The following CDH13 variants were observed in gnomAD, a reference collection of about 807,000 sequenced individuals.
The protein encoded by CDH13 is cadherin-13.
CDH13 carries 24 observed loss-of-function variants against 63.8 expected under a neutral mutation model. The observed-to-expected ratio is 0.38, with a 90% CI of 0.27 to 0.53. The LOEUF is 0.53. CDH13 is among the 20% of genes least tolerant of loss of function. CDH13 has a pLI of 0.85. For missense variants in CDH13, 1,049 were observed against 903.1 expected (o/e 1.16, Z -2.07); for synonymous variants, 503 against 355.3 (o/e 1.42, Z -4.67).
chr16:83,227,617 T>G (rs2039879613), intron 5 of CDH13, among the ~76,000 whole-genome samples: 1 of 152,156 alleles, frequency 6.6e-6, no homozygotes, highest in Non-Finnish European at 1.5e-5. Context: ...GCGTGACTGC[T>G]CTGGATATGA....
intron 3 of CDH13, among the ~76,000 whole-genome samples, chr16:83,120,363 G>T (rs377635029): frequency 6.6e-6 from 1 of 152,214 alleles, no homozygotes; most frequent in Non-Finnish European, 1.5e-5. Context: ...CTGGACACCC[G>T]TGAGGACAGA....
chr16:83,001,518 T>C (rs750497452), intron 2 of CDH13, among the ~76,000 whole-genome samples: 4 of 152,250 alleles, frequency 2.6e-5, no homozygotes, highest in Non-Finnish European at 5.9e-5. Context: ...GTCCAGGGCC[T>C]CAGCCAGGGA....
At chr16:82,751,661 A>G (rs1235446685) in intron 1 of CDH13, among the ~76,000 whole-genome samples, 1 of 152,028 alleles carries the variant, frequency 6.6e-6, no homozygotes, top group African/African-American at 2.4e-5. Flanking sequence ...TAGCAAATAA[A>G]AAACACCATG....
intron 1 of CDH13, among the ~76,000 whole-genome samples, chr16:82,817,896 C>A (rs1179020117): frequency 6.6e-6 from 1 of 152,290 alleles, no homozygotes; most frequent in Admixed American, 6.5e-5. Flanking sequence ...TGTTTACATA[C>A]AAATGCATGC....
At chr16:83,389,284 C>T (rs36034869) in intron 6 of CDH13, among the ~76,000 whole-genome samples, 2 of 151,896 alleles carry the variant, frequency 1.3e-5, no homozygotes, top group Non-Finnish European at 2.9e-5. Context: ...CGTATCTTAA[C>T]GTTTTAGTGT....
At chr16:83,190,554 A>G (rs940021252) in intron 4 of CDH13, among the ~76,000 whole-genome samples, 2 of 152,160 alleles carry the variant, frequency 1.3e-5, no homozygotes, top group African/African-American at 4.8e-5. Context: ...TGGCAAAATG[A>G]TGAATAACAC....
At chr16:83,205,674 G>A (rs970413052) in intron 4 of CDH13, among the ~76,000 whole-genome samples, 18 of 147,286 alleles carry the variant, frequency 1.2e-4, no homozygotes, top group South Asian at 1.1e-3. Context: ...ACGTGATCTT[G>A]GCTCACTGCA....
At chr16:83,666,798 G>A (rs1913994161) in intron 8 of CDH13, among the ~76,000 whole-genome samples, 1 of 151,914 alleles carries the variant, frequency 6.6e-6, no homozygotes, top group South Asian at 2.1e-4. Context: ...TCTCCAGACT[G>A]GATCAGATAC....
At chr16:82,724,669 A>G (rs1256654939) in intron 1 of CDH13, among the ~76,000 whole-genome samples, 1 of 152,186 alleles carries the variant, frequency 6.6e-6, no homozygotes, top group Admixed American at 6.5e-5. Flanking sequence ...GTCAAAAGAG[A>G]CTGTCATGTA....
intron 4 of CDH13, among the ~76,000 whole-genome samples, chr16:83,194,581 T>G (rs1013144969): frequency 6.6e-6 from 1 of 152,182 alleles, no homozygotes; most frequent in African/African-American, 2.4e-5. Flanking sequence ...GCCGAAACAA[T>G]AAGGGATAAA....
intron 3 of CDH13, among the ~76,000 whole-genome samples, chr16:83,056,864 G>C (rs7499487): frequency 6.6e-6 from 1 of 152,000 alleles, no homozygotes; most frequent in Non-Finnish European, 1.5e-5. Flanking sequence ...GCCTGCTGCC[G>C]TGTAGGATGT....
intron 2 of CDH13, among the ~76,000 whole-genome samples, chr16:82,861,733 C>T (rs547704728): frequency 6.6e-6 from 1 of 152,214 alleles, no homozygotes; most frequent in East Asian, 1.9e-4. Context: ...ATCTGAATCA[C>T]TCTTTATTCT....
At chr16:83,097,819 G>C (rs754716323) in intron 3 of CDH13, among the ~76,000 whole-genome samples, 1 of 152,204 alleles carries the variant, frequency 6.6e-6, no homozygotes, top group Non-Finnish European at 1.5e-5. Flanking sequence ...CAATTTTAGA[G>C]AGCCTTTAAT....
At chr16:82,694,356 T>C (rs1044737626) in intron 1 of CDH13, among the ~76,000 whole-genome samples, 3 of 152,190 alleles carry the variant, frequency 2.0e-5, no homozygotes, top group South Asian at 4.1e-4. Flanking sequence ...ACCCCAACAT[T>C]TTTTTATGGA....
chr16:83,724,252 A>G (rs202050895), intron 10 of CDH13, among the ~76,000 whole-genome samples: 68 of 87,826 alleles, frequency 7.7e-4, no homozygotes, highest in South Asian at 1.2e-3. Flanking sequence ...GCATGGGTGG[A>G]TGATGAATGC....
chr16:82,689,981 C>CCAAAAAA (rs1915472581), intron 1 of CDH13, among the ~76,000 whole-genome samples: 1 of 6,484 alleles, frequency 1.5e-4, no homozygotes, highest in Non-Finnish European at 2.9e-4. Flanking sequence ...GCCATCTCTA[C>CCAAAAAA]TAAAAAAAAA....
chr16:83,373,781 C>T (rs544519469), intron 6 of CDH13, among the ~76,000 whole-genome samples: 5 of 152,276 alleles, frequency 3.3e-5, no homozygotes, highest in East Asian at 1.9e-4. Flanking sequence ...CTCCTTGAGA[C>T]TCAGTGTTCT....
chr16:83,627,796 G>A (rs1910448252), intron 8 of CDH13, among the ~76,000 whole-genome samples: 1 of 152,198 alleles, frequency 6.6e-6, no homozygotes, highest in Admixed American at 6.5e-5. Context: ...TAAAGTGAAA[G>A]CAAGTTTTTT....
chr16:83,029,890 G>T (rs1050508124), intron 2 of CDH13, among the ~76,000 whole-genome samples: 1 of 152,146 alleles, frequency 6.6e-6, no homozygotes, highest in African/African-American at 2.4e-5. Context: ...AAACAAATAA[G>T]CCTGTTCAGC....
Sources: allele counts gnomAD v4.1 joint callset (sites outside exome capture counted in the v4.1 genomes callset), GRCh38; gene constraint gnomAD v4.1.1; transcripts MANE v1.5; gene names NCBI Gene and HGNC (gene_info 2026-07-23, HGNC 2026-07-21).